SUMF1: variants seen among roughly 807,000 people sequenced by gnomAD.
SUMF1 encodes the protein formylglycine-generating enzyme.
SUMF1 carries 48 observed loss-of-function variants against 47.6 expected under a neutral mutation model. The ratio of observed to expected loss-of-function variants is 1.01; its 90% CI spans 0.80 to 1.28. SUMF1 has a LOEUF of 1.28. Among genes scored for constraint, SUMF1 ranks in the 50% most tolerant of loss-of-function variants. The probability of loss-of-function intolerance (pLI) is 0.00; values close to 1 mark genes in which losing one functional copy is unlikely to be tolerated. For missense variants in SUMF1, 571 were observed against 485.4 expected, an observed-to-expected ratio of 1.18 and a Z score of -1.66; for synonymous variants, 230 against 192.1, an observed-to-expected ratio of 1.20 and a Z score of -1.63.
At chr3:4,157,627 T>A (rs1325433044) in intron 8 of SUMF1, among the ~76,000 whole-genome samples, 1 of 151,620 alleles carries the variant, frequency 6.6e-6, no homozygotes, top group Non-Finnish European at 1.5e-5. Flanking sequence ...CTTCCCTGTG[T>A]TCTTCTCTCT....
At chr3:4,454,729 G>T (rs1468279360) in intron 1 of SUMF1, among the ~76,000 whole-genome samples, 1 of 152,100 alleles carries the variant, frequency 6.6e-6, no homozygotes, top group East Asian at 1.9e-4. Context: ...TCTATAAAAT[G>T]GAATAATATT....
At chr3:4,415,855 G>T (rs1247255069) in intron 6 of SUMF1, among the ~76,000 whole-genome samples, 2 of 152,130 alleles carry the variant, frequency 1.3e-5, no homozygotes, top group African/African-American at 4.8e-5. Flanking sequence ...GCTCAAGGTT[G>T]AAGTGAGTGC....
chr3:4,354,757 G>A (rs1359201896), intron 8 of SUMF1, among the ~76,000 whole-genome samples: 1 of 152,066 alleles, frequency 6.6e-6, no homozygotes, highest in African/African-American at 2.4e-5. Context: ...AGGACCATCT[G>A]GTAGTACCTT....
intron 8 of SUMF1, among the ~76,000 whole-genome samples, chr3:4,116,844 A>T (rs573414510): frequency 1.3e-5 from 2 of 152,240 alleles, no homozygotes; most frequent in Admixed American, 1.3e-4. Context: ...GCAGTTATCA[A>T]ATCATGAGTC....
chr3:4,064,393 C>T (rs956525161), intron 9 of SUMF1, among the ~76,000 whole-genome samples: 7 of 152,114 alleles, frequency 4.6e-5, no homozygotes, highest in Non-Finnish European at 4.4e-5. Context: ...CATATATGGT[C>T]TAAAAGGGGA....
At chr3:4,053,776 T>C (rs184093045) in intron 9 of SUMF1, among the ~76,000 whole-genome samples, 1 of 152,160 alleles carries the variant, frequency 6.6e-6, no homozygotes, top group African/African-American at 2.4e-5. Context: ...AGACACATAA[T>C]AAAACATTGA....
At chr3:4,446,563 C>T (rs1019149413) in intron 3 of SUMF1, among the ~76,000 whole-genome samples, 2 of 152,196 alleles carry the variant, frequency 1.3e-5, no homozygotes, top group Non-Finnish European at 2.9e-5. Flanking sequence ...AGGTACTAAG[C>T]ATCAACAGCC....
intron 8 of SUMF1, among the ~76,000 whole-genome samples, chr3:4,237,657 T>C (rs1696439160): frequency 6.6e-6 from 1 of 152,154 alleles, no homozygotes; most frequent in Non-Finnish European, 1.5e-5. Context: ...ATTGTTCCTT[T>C]CATGAATTGT....
intron 8 of SUMF1, among the ~76,000 whole-genome samples, chr3:4,309,478 ATT>A (rs1698319356): frequency 1.3e-5 from 2 of 152,310 alleles, no homozygotes; most frequent in African/African-American, 4.8e-5. Context: ...GTCAGGACTC[ATT>A]TGTTTGCAAG....
intron 8 of SUMF1, among the ~76,000 whole-genome samples, chr3:4,184,651 ATTTTT>A (rs113449863): frequency 7.4e-6 from 1 of 134,996 alleles, no homozygotes. Flanking sequence ...ATTTCCCTGG[ATTTTT>A]TTTTTTTTTT....
intron 1 of SUMF1, among the ~76,000 whole-genome samples, chr3:4,456,671 TAC>T (rs887081425): frequency 6.9e-6 from 1 of 144,548 alleles, no homozygotes; most frequent in Non-Finnish European, 1.5e-5. Context: ...TATATATATA[TAC>T]GTGTATATAT....
chr3:4,262,892 A>T (rs1697115916), intron 8 of SUMF1, among the ~76,000 whole-genome samples: 2 of 152,178 alleles, frequency 1.3e-5, no homozygotes, highest in African/African-American at 4.8e-5. Flanking sequence ...CGTAAAGAAG[A>T]AAAGGAAATT....
chr3:4,273,929 TG>T (rs1435506632), intron 8 of SUMF1, among the ~76,000 whole-genome samples: 1 of 147,658 alleles, frequency 6.8e-6, no homozygotes, highest in African/African-American at 2.5e-5. Context: ...ACATAGGATA[TG>T]GGGTTAAAAT....
intron 7 of SUMF1, among the ~76,000 whole-genome samples, chr3:4,403,733 C>T (rs1297286904): frequency 1.3e-5 from 2 of 152,092 alleles, no homozygotes; most frequent in Non-Finnish European, 2.9e-5. Context: ...AGTAAGTTGC[C>T]CCAAGTGTTG....
intron 8 of SUMF1, among the ~76,000 whole-genome samples, chr3:4,280,229 G>C (rs1172961086): frequency 6.6e-6 from 1 of 152,086 alleles, no homozygotes; most frequent in Non-Finnish European, 1.5e-5. Context: ...AAATTAAAAT[G>C]TTTTAAAAAA....
chr3:4,422,492 T>TA (rs776813048), intron 3 of SUMF1, among the ~76,000 whole-genome samples: 4,291 of 143,534 alleles, frequency 0.03, 160 homozygotes, highest in African/African-American at 0.096. Context: ...ATTAGTGATT[T>TA]AAAAAAAAAA....
intron 8 of SUMF1, among the ~76,000 whole-genome samples, chr3:4,114,149 T>C (rs1017151440): frequency 1.3e-5 from 2 of 152,104 alleles, no homozygotes; most frequent in African/African-American, 4.8e-5. Context: ...GAGCTCTCTT[T>C]CCTGTTACAC....
intron 8 of SUMF1, among the ~76,000 whole-genome samples, chr3:4,288,070 C>G (rs142983568): frequency 2.6e-5 from 4 of 152,034 alleles, no homozygotes; most frequent in South Asian, 2.1e-4. Flanking sequence ...CCAGAGAGTT[C>G]AGGCACCTGC....
intron 7 of SUMF1, among the ~76,000 whole-genome samples, chr3:4,380,073 A>G (rs573558932): frequency 6.6e-6 from 1 of 152,298 alleles, no homozygotes; most frequent in South Asian, 2.1e-4. Context: ...GTTTGCCTGT[A>G]TACCACAGCA....
Sources: gnomAD v4.1 joint callset for allele counts (sites outside exome capture counted in the v4.1 genomes callset) on GRCh38, gnomAD v4.1.1 for gene constraint, MANE v1.5 for transcripts, NCBI Gene and HGNC (gene_info 2026-07-23, HGNC 2026-07-21) for gene names.